Variants in LRP1B observed in about 807,000 individuals in gnomAD.
LRP1B encodes low-density lipoprotein receptor-related protein 1B.
LRP1B carries 217 observed loss-of-function variants against 556.6 expected under a neutral mutation model. That is an observed-to-expected ratio of 0.39 (90% CI 0.35 to 0.44). LRP1B has a LOEUF of 0.44. LRP1B is among the 20% of genes least tolerant of loss of function. LRP1B has a pLI of 1.00. For missense variants in LRP1B, 5,053 were observed against 5,620.8 expected, an observed-to-expected ratio of 0.90 and a Z score of 3.23; for synonymous variants, 2,047 against 1,865.8, an observed-to-expected ratio of 1.10 and a Z score of -2.50.
chr2:141,421,092 G>A (rs918727073), intron 3 of LRP1B, among the ~76,000 whole-genome samples: 9 of 152,140 alleles, frequency 5.9e-5, no homozygotes, highest in African/African-American at 1.9e-4. Flanking sequence ...TTAGCATTTC[G>A]TAATGGTACT....
intron 35 of LRP1B, among the ~76,000 whole-genome samples, chr2:140,753,125 AT>A (rs1021293123): frequency 2.6e-5 from 4 of 152,278 alleles, no homozygotes; most frequent in African/African-American, 9.6e-5. Context: ...ACATCAAATC[AT>A]TTTTTAACTA....
At chr2:141,705,233 G>T (rs529292544) in intron 2 of LRP1B, among the ~76,000 whole-genome samples, 3 of 151,836 alleles carry the variant, frequency 2.0e-5, no homozygotes, top group African/African-American at 7.2e-5. Context: ...AAAAATGTAG[G>T]CTTGAATATC....
At chr2:140,933,437 T>C (rs10928080) in intron 20 of LRP1B, among the ~76,000 whole-genome samples, 18,125 of 152,102 alleles carry the variant, frequency 0.12, 1,626 homozygotes, top group East Asian at 0.26. Flanking sequence ...TATTTTTTGC[T>C]GAATGCCTGA....
intron 1 of LRP1B, among the ~76,000 whole-genome samples, chr2:141,823,733 G>T (rs1696831826): frequency 6.6e-6 from 1 of 152,202 alleles, no homozygotes; most frequent in Non-Finnish European, 1.5e-5. Context: ...GTGGTGGCAA[G>T]ATCATAGTTC....
intron 41 of LRP1B, among the ~76,000 whole-genome samples, chr2:140,649,460 G>T (rs1259833265): frequency 6.6e-6 from 1 of 152,136 alleles, no homozygotes; most frequent in East Asian, 1.9e-4. Context: ...TCTCCAAATT[G>T]TCCCCAGACT....
intron 7 of LRP1B, among the ~76,000 whole-genome samples, chr2:141,063,745 A>G (rs948804969): frequency 6.6e-6 from 1 of 151,802 alleles, no homozygotes; most frequent in Non-Finnish European, 1.5e-5. Flanking sequence ...ACTCTTTCTT[A>G]CTATAGAACA....
chr2:140,472,661 C>G (rs1687818703), intron 60 of LRP1B, among the ~76,000 whole-genome samples: 1 of 151,936 alleles, frequency 6.6e-6, no homozygotes, highest in Non-Finnish European at 1.5e-5. Context: ...TTTTTAGAAA[C>G]CTCAGATATT....
At chr2:141,448,470 A>G (rs1275349665) in intron 3 of LRP1B, among the ~76,000 whole-genome samples, 1 of 152,166 alleles carries the variant, frequency 6.6e-6, no homozygotes, top group Non-Finnish European at 1.5e-5. Context: ...TATGAAAAAC[A>G]AACTCGTGTA....
At chr2:141,008,749 T>A (rs554094508) in intron 14 of LRP1B, among the ~76,000 whole-genome samples, 1 of 151,898 alleles carries the variant, frequency 6.6e-6, no homozygotes, top group South Asian at 2.1e-4. Context: ...AGAGTGTGTT[T>A]GATAAATATT....
At chr2:141,029,427 T>C (rs1430005715) in intron 11 of LRP1B, among the ~76,000 whole-genome samples, 2 of 152,120 alleles carry the variant, frequency 1.3e-5, no homozygotes, top group Non-Finnish European at 2.9e-5. Flanking sequence ...TAAGGCTTAT[T>C]TCTCTTTTGA....
chr2:141,139,012 G>C lies in LRP1B; in HGVS notation c.1013+49409C>G, dbSNP rs375990051. ...TATTTATGAAATAGATAAATCAATA[G>C]GACAGAATAAATATTTTAGAAATAA... On this transcript the variant is annotated intron_variant, in intron 7 of 90. Coordinates refer to ENST00000389484, the MANE Select transcript of LRP1B (RefSeq NM_018557.3). Among the ~76,000 whole-genome samples, 36 of 151,810 alleles carry C rather than the reference G, an allele frequency of 2.4e-4. No homozygotes were observed. In the East Asian group the frequency reaches 6.0e-3, roughly 25 times the overall value.
rs139217659 is a variant in LRP1B at position 140,996,962 on chromosome 2, T to C, written c.2504-2827A>G. ...TTTGAGCACAGCCAAAAATTGCTTT[T>C]AGTATATTAACAAGTGATGGAATTG... On this transcript the variant is annotated intron_variant, in intron 15 of 90. Transcript: ENST00000389484. 3.1e-3 allele frequency among the ~76,000 whole-genome samples: 470 copies of C among 152,066 alleles called. 2 individuals carry two copies. The highest frequency in any genetic ancestry group is 4.9e-3 in the Non-Finnish European group (336 of 67,934).
intron 83 of LRP1B, among the ~76,000 whole-genome samples, chr2:140,308,007 C>T (rs1684137890): frequency 6.6e-6 from 1 of 151,666 alleles, no homozygotes; most frequent in African/African-American, 2.4e-5. Context: ...ATACTATGCT[C>T]AATATAGAAA....
intron 77 of LRP1B, among the ~76,000 whole-genome samples, chr2:140,345,861 C>CATAT (rs200666839): frequency 6.5e-5 from 9 of 137,860 alleles, no homozygotes; most frequent in Admixed American, 2.2e-4. Context: ...CACACACACA[C>CATAT]ATATATATAT....
intron 11 of LRP1B, among the ~76,000 whole-genome samples, chr2:141,029,602 G>T (rs559601299): frequency 5.3e-5 from 8 of 152,156 alleles, no homozygotes; most frequent in African/African-American, 1.9e-4. Flanking sequence ...TCTAGGCCCT[G>T]GGATCCGCAG....
intron 60 of LRP1B, among the ~76,000 whole-genome samples, chr2:140,471,043 C>T (rs1687747395): frequency 1.3e-5 from 2 of 152,082 alleles, no homozygotes; most frequent in African/African-American, 4.8e-5. Flanking sequence ...AGGAATCAAA[C>T]CCAAATATAT....
chr2:141,804,837 A>G (rs147534659), intron 2 of LRP1B, among the ~76,000 whole-genome samples: 1 of 152,148 alleles, frequency 6.6e-6, no homozygotes, highest in Non-Finnish European at 1.5e-5. Context: ...CAATATGGTT[A>G]AATTAGTTGT....
intron 2 of LRP1B, among the ~76,000 whole-genome samples, chr2:141,486,024 C>T (rs1683107672): frequency 6.6e-6 from 1 of 152,128 alleles, no homozygotes; most frequent in African/African-American, 2.4e-5. Flanking sequence ...TGTACCAAGA[C>T]ACTAAACATT....
intron 2 of LRP1B, among the ~76,000 whole-genome samples, chr2:141,784,067 G>A (rs899302095): frequency 8.6e-5 from 13 of 151,878 alleles, no homozygotes; most frequent in East Asian, 3.9e-4. Flanking sequence ...TTAAGTGATC[G>A]CATTTGTTGG....
Sources: allele counts gnomAD v4.1 joint callset (sites outside exome capture counted in the v4.1 genomes callset), GRCh38; gene constraint gnomAD v4.1.1; transcripts MANE v1.5; gene names NCBI Gene and HGNC (gene_info 2026-07-23, HGNC 2026-07-21).